Variants in DNTT observed in about 807,000 individuals in gnomAD.
DNTT encodes nucleosidetriphosphate:DNA deoxynucleotidylexotransferase.
DNTT carries 47 observed loss-of-function variants against 60.9 expected under a neutral mutation model. The observed-to-expected ratio is 0.77, with a 90% CI of 0.61 to 0.98. The LOEUF is 0.98. Among genes scored for constraint, DNTT ranks in the 50% least tolerant of loss-of-function variants. DNTT has a pLI of 0.00. For synonymous variants in DNTT, 224 were observed against 221.2 expected (o/e 1.01, Z -0.11); for missense variants, 665 against 627.5 (o/e 1.06, Z -0.64).
intron 6 of DNTT, among the ~76,000 whole-genome samples, chr10:96,325,021 A>G (rs1166095550): frequency 2.6e-5 from 4 of 152,174 alleles, no homozygotes; most frequent in African/African-American, 9.7e-5. Flanking sequence ...TGCTGTCATC[A>G]CCCACCTGAA....
At chr10:96,306,086 A>T (rs1844631655) in intron 1 of DNTT, among the ~76,000 whole-genome samples, 1 of 147,202 alleles carries the variant, frequency 6.8e-6, no homozygotes, top group Admixed American at 6.9e-5. Context: ...GAAGCCAAAA[A>T]AATAGATTTT....
intron 6 of DNTT, 34 bp downstream of exon 6, chr10:96,324,423 T>A (rs367561765): frequency 4.3e-6 from 7 of 1,611,342 alleles, no homozygotes; most frequent in African/African-American, 1.3e-5. Flanking sequence ...ATTGTTGCTA[T>A]GGGCTGGTCG....
At chr10:96,316,187 G>A (rs1388318644) in intron 1 of DNTT, among the ~76,000 whole-genome samples, 1 of 152,142 alleles carries the variant, frequency 6.6e-6, no homozygotes, top group Non-Finnish European at 1.5e-5. Flanking sequence ...TCTACCAAAA[G>A]TGCCATTACT....
At chr10:96,330,568 C>G (rs941269017) in intron 8 of DNTT, among the ~76,000 whole-genome samples, 13 of 152,134 alleles carry the variant, frequency 8.5e-5, no homozygotes, top group African/African-American at 2.9e-4. Context: ...TAGTGCTTCC[C>G]CCTTCAAATG....
chr10:96,323,784 A>G (rs1844907701), intron 5 of DNTT, among the ~76,000 whole-genome samples: 1 of 152,224 alleles, frequency 6.6e-6, no homozygotes, highest in African/African-American at 2.4e-5. Flanking sequence ...GCAGGAGCAC[A>G]GGCTTGGAGT....
At chr10:96,325,898 C>T (rs1157677329) in intron 6 of DNTT, among the ~76,000 whole-genome samples, 1 of 152,192 alleles carries the variant, frequency 6.6e-6, no homozygotes, top group Non-Finnish European at 1.5e-5. Context: ...ATTGCAGTTC[C>T]CTGAGGCTTG....
intron 1 of DNTT, among the ~76,000 whole-genome samples, chr10:96,313,922 G>A (rs754904528): frequency 6.6e-6 from 1 of 152,104 alleles, no homozygotes; most frequent in Non-Finnish European, 1.5e-5. Flanking sequence ...CCCTTGACAC[G>A]TCCATCTCCC....
At chr10:96,318,271 T>C in intron 1 of DNTT, 81 bp from the exon 2 acceptor site, 2 of 1,493,156 alleles carry the variant, frequency 1.3e-6, no homozygotes, top group African/African-American at 1.4e-5. Flanking sequence ...TCAGATGGAA[T>C]GCTCAGAAAC....
chr10:96,321,099 C>T (rs75634095), intron 4 of DNTT, among the ~76,000 whole-genome samples: 68 of 152,096 alleles, frequency 4.5e-4, no homozygotes, highest in African/African-American at 1.2e-3. Flanking sequence ...TGAATCCGTT[C>T]GGGTCTGCAG....
At chr10:96,315,994 G>A (rs1844781001) in intron 1 of DNTT, among the ~76,000 whole-genome samples, 1 of 152,060 alleles carries the variant, frequency 6.6e-6, no homozygotes, top group African/African-American at 2.4e-5. Context: ...CTGCCATCCA[G>A]ATGGTCTCAG....
chr10:96,336,772 T>C (rs1443306167), intron 10 of DNTT, among the ~76,000 whole-genome samples: 3 of 151,830 alleles, frequency 2.0e-5, no homozygotes, highest in Non-Finnish European at 2.9e-5. Flanking sequence ...TGAAACCCCA[T>C]CTCTACTAAA....
At position 96,318,223 on chromosome 10, in the gene DNTT, C is replaced by T. The variant is rs1435455115; in HGVS notation, c.204-129C>T. 8 of 1,083,230 alleles carry T rather than the reference C, an allele frequency of 7.4e-6. No individual in the cohort carries two copies. The East Asian group carries it at 1.7e-4, about 24-fold the overall frequency. 67.1% of individuals were successfully genotyped at this position (1,083,230 alleles called of 1,614,324 possible). ...TCCCTTGCATGGAGGCCTAAATTCT[C>T]CACACCTATGGTTAGGTCTAGCATG... On this transcript the variant is annotated intron_variant, in intron 1 of 10. Transcript: ENST00000371174.
chr10:96,307,770 T>C (rs1844661103), intron 1 of DNTT, among the ~76,000 whole-genome samples: 1 of 115,568 alleles, frequency 8.7e-6, no homozygotes, highest in African/African-American at 3.7e-5. Context: ...TATATATATA[T>C]ATATATATTT....
chr10:96,318,885 CT>C (rs368221841), intron 2 of DNTT, among the ~76,000 whole-genome samples: 1 of 152,076 alleles, frequency 6.6e-6, no homozygotes, highest in Non-Finnish European at 1.5e-5. Flanking sequence ...CAGGAGATTC[CT>C]TTTTTTCTCT....
intron 1 of DNTT, 114 bp from the exon 2 acceptor site, chr10:96,318,238 G>A (rs1844812862): frequency 1.6e-6 from 2 of 1,251,910 alleles, no homozygotes; most frequent in Non-Finnish European, 2.2e-6. Context: ...CCTATGGTTA[G>A]GTCTAGCATG....
At chr10:96,335,850 C>T (rs757833906) in intron 9 of DNTT, 41 bp from the exon 10 acceptor site, 5 of 1,598,924 alleles carry the variant, frequency 3.1e-6, no homozygotes, top group Non-Finnish European at 4.3e-6. Flanking sequence ...TGAAGACATT[C>T]TAGACGTGTT....
chr10:96,332,221 C>A, intron 8 of DNTT, 130 bp from the exon 9 acceptor site: 2 of 1,308,394 alleles, frequency 1.5e-6, no homozygotes, highest in Non-Finnish European at 2.1e-6. Flanking sequence ...TGCAGGTGGG[C>A]CTTTAATGCA....
chr10:96,319,454 G>A (rs973311560), intron 3 of DNTT, 64 bp downstream of exon 3: 33 of 1,588,984 alleles, frequency 2.1e-5, no homozygotes, highest in Admixed American at 5.3e-5. Flanking sequence ...TCTGTGGACC[G>A]CAAATTAAAT....
chr10:96,309,132 T>G (rs1190834688), intron 1 of DNTT, among the ~76,000 whole-genome samples: 1 of 152,190 alleles, frequency 6.6e-6, no homozygotes, highest in Non-Finnish European at 1.5e-5. Flanking sequence ...CGTTTAACAC[T>G]TGCCAAGTTC....
Sources: gnomAD v4.1 joint callset for allele counts (sites outside exome capture counted in the v4.1 genomes callset) on GRCh38, gnomAD v4.1.1 for gene constraint, MANE v1.5 for transcripts, NCBI Gene and HGNC (gene_info 2026-07-23, HGNC 2026-07-21) for gene names.